PRKN: variants seen among roughly 807,000 people sequenced by gnomAD.
The protein encoded by PRKN is parkin RBR E3 ubiquitin protein ligase.
PRKN carries 56 observed loss-of-function variants against 59.5 expected under a neutral mutation model. The ratio of observed to expected loss-of-function variants is 0.94; its 90% CI spans 0.76 to 1.18. The LOEUF is 1.18. PRKN is among the 50% of genes most tolerant of loss of function. The pLI is 0.00. For synonymous variants in PRKN, 250 were observed against 222.1 expected, an observed-to-expected ratio of 1.13 and a Z score of -1.12; for missense variants, 657 against 596.4, an observed-to-expected ratio of 1.10 and a Z score of -1.06.
chr6:162,445,690 A>T (rs1030596087), intron 1 of PRKN, among the ~76,000 whole-genome samples: 12 of 12,082 alleles, frequency 9.9e-4, no homozygotes, highest in South Asian at 2.7e-3. Context: ...GACCTTGTCT[A>T]AAAAAAAAAA....
chr6:161,571,471 G>C (rs1263305133), intron 7 of PRKN, among the ~76,000 whole-genome samples: 1 of 152,204 alleles, frequency 6.6e-6, no homozygotes, highest in Non-Finnish European at 1.5e-5. Flanking sequence ...GCTGAGGAAT[G>C]AGAAAACCTG....
intron 4 of PRKN, among the ~76,000 whole-genome samples, chr6:162,167,726 A>G (rs909412814): frequency 5.3e-5 from 8 of 151,630 alleles, no homozygotes; most frequent in Admixed American, 2.6e-4. Flanking sequence ...AAATTTGACC[A>G]GTGTTTGTGC....
At chr6:162,368,004 G>A (rs1231125907) in intron 2 of PRKN, among the ~76,000 whole-genome samples, 2 of 152,152 alleles carry the variant, frequency 1.3e-5, no homozygotes, top group African/African-American at 4.8e-5. Context: ...GACACTTCCA[G>A]AAGCAGGAGA....
chr6:162,217,210 T>C (rs1216220507), intron 3 of PRKN, among the ~76,000 whole-genome samples: 1 of 152,198 alleles, frequency 6.6e-6, no homozygotes, highest in Non-Finnish European at 1.5e-5. Context: ...CAATCATTTG[T>C]TCCCCTCAGT....
At chr6:161,573,795 T>TATATATATATATATAA in intron 7 of PRKN, among the ~76,000 whole-genome samples, 1 of 98,630 alleles carries the variant, frequency 1.0e-5, no homozygotes, top group African/African-American at 3.9e-5. Flanking sequence ...TATATATATA[T>TATATATATATATATAA]AAAACTTCAT....
intron 7 of PRKN, among the ~76,000 whole-genome samples, chr6:161,767,383 G>A (rs948894781): frequency 9.3e-4 from 141 of 152,318 alleles, no homozygotes; most frequent in Non-Finnish European, 1.7e-3. Flanking sequence ...CGGGTGTGGT[G>A]GCGGGCGCCT....
At chr6:162,136,820 GT>G (rs1781578167) in intron 4 of PRKN, among the ~76,000 whole-genome samples, 1 of 152,052 alleles carries the variant, frequency 6.6e-6, no homozygotes, top group Non-Finnish European at 1.5e-5. Context: ...TCTGCTTATT[GT>G]TTATTGTCAG....
rs1469740752 is a variant in PRKN, at chr6:161,359,053, C to T, written c.1285+1035G>A. The stretch of plus-strand genomic sequence containing the variant: ...TTGTGATCCACCCGCCTCCGCCTCC[C>T]AAAGTGCTGGGATTACAGGCGTGAG... On this transcript the variant is annotated intron_variant, in intron 11 of 11. Coordinates refer to ENST00000366898, the MANE Select transcript of PRKN (RefSeq NM_004562.3). This position sits in a 1 kb window ranked among gnomAD's most constrained non-coding sequence, Gnocchi z 5.4. 6.6e-6 allele frequency among the ~76,000 whole-genome samples: 1 copy of T among 152,114 alleles called. No individual in the cohort carries two copies. The highest frequency in any genetic ancestry group is 2.4e-5 in the African/African-American group (1 of 41,432).
intron 1 of PRKN, among the ~76,000 whole-genome samples, chr6:162,602,234 G>A (rs772636683): frequency 7.9e-4 from 120 of 152,326 alleles, no homozygotes; most frequent in Non-Finnish European, 1.2e-3. Flanking sequence ...GCCAGATGAG[G>A]TGGCGTTGAG....
intron 7 of PRKN, among the ~76,000 whole-genome samples, chr6:161,701,172 G>A (rs1786236295): frequency 6.6e-6 from 1 of 152,160 alleles, no homozygotes; most frequent in Admixed American, 6.6e-5. Flanking sequence ...TTGATCTTCT[G>A]CCTGTCCCTG....
intron 6 of PRKN, among the ~76,000 whole-genome samples, chr6:161,905,540 G>A (rs928326064): frequency 2.6e-5 from 4 of 152,126 alleles, no homozygotes; most frequent in African/African-American, 4.8e-5. Flanking sequence ...TCAGTGTCTC[G>A]TTAACTGACT....
At chr6:161,985,345 T>C (rs1319598344) in intron 5 of PRKN, among the ~76,000 whole-genome samples, 1 of 152,234 alleles carries the variant, frequency 6.6e-6, no homozygotes, top group Non-Finnish European at 1.5e-5. Flanking sequence ...CCAGCTTTTG[T>C]GCTCAGATAA....
At chr6:161,513,680 G>C (rs1255782600) in intron 9 of PRKN, among the ~76,000 whole-genome samples, 1 of 152,048 alleles carries the variant, frequency 6.6e-6, no homozygotes, top group Admixed American at 6.6e-5. Flanking sequence ...TTTTCTACCT[G>C]AGCATGCTGT....
chr6:161,756,442 GAAAAAAAAAAA>G (rs57399165), intron 7 of PRKN, among the ~76,000 whole-genome samples: 3 of 74,714 alleles, frequency 4.0e-5, no homozygotes, highest in African/African-American at 1.1e-4. Flanking sequence ...ACCTTGTCTC[GAAAAAAAAAAA>G]AAAAAAAAAA....
chr6:162,416,842 C>T (rs6911575), intron 2 of PRKN, among the ~76,000 whole-genome samples: 83,435 of 151,832 alleles, frequency 0.55, 23,862 homozygotes, highest in African/African-American at 0.71. Context: ...ATTCTGTACA[C>T]AGAAAATATA....
chr6:162,308,123 G>A (rs192867844), intron 2 of PRKN, among the ~76,000 whole-genome samples: 138 of 152,252 alleles, frequency 9.1e-4, no homozygotes, highest in African/African-American at 3.0e-3. Context: ...ACCAGGAACC[G>A]AGGGATCACT....
chr6:161,646,720 C>G (rs1189266006), intron 7 of PRKN, among the ~76,000 whole-genome samples: 1 of 152,184 alleles, frequency 6.6e-6, no homozygotes, highest in East Asian at 1.9e-4. Flanking sequence ...GCCATGGATG[C>G]ATTTACAAAT....
Position 161,467,685 on chromosome 6 carries a change from C to T in PRKN, c.1084-80808G>A, listed in dbSNP as rs182713209. 6.6e-6 allele frequency among the ~76,000 whole-genome samples: 1 copy of T among 152,192 alleles called. No homozygotes were observed. Among genetic ancestry groups the T allele is most frequent in the Non-Finnish European group, 1.5e-5 (1 of 68,032 alleles). On this transcript the variant is annotated intron_variant, in intron 9 of 11. Coordinates refer to ENST00000366898, the MANE Select transcript of PRKN (RefSeq NM_004562.3). This position sits in a 1 kb window ranked among gnomAD's most constrained non-coding sequence, Gnocchi z 4.3. ...CAGGAGCGACAGAGGCTGCAAATGC[C>T]TGCCCAATATTCATGTTCCTCTTCT...
At chr6:161,501,996 G>C (rs762832322) in intron 9 of PRKN, among the ~76,000 whole-genome samples, 9 of 152,146 alleles carry the variant, frequency 5.9e-5, no homozygotes, top group Admixed American at 2.6e-4. Context: ...AGTGACATGA[G>C]AGAGAAAGTC....
Sources: gnomAD v4.1 joint callset for allele counts (sites outside exome capture counted in the v4.1 genomes callset) on GRCh38, gnomAD v4.1.1 for gene constraint, Gnocchi (gnomAD v3.1) non-coding constraint, MANE v1.5 for transcripts, NCBI Gene and HGNC (gene_info 2026-07-23, HGNC 2026-07-21) for gene names.